Variants in DIS3L2 observed in about 807,000 individuals in gnomAD.
The protein encoded by DIS3L2 is DIS3-like exonuclease 2.
DIS3L2 carries 34 observed loss-of-function variants against 97.5 expected under a neutral mutation model. The observed-to-expected ratio is 0.35, with a 90% CI of 0.27 to 0.46. The LOEUF (loss-of-function observed/expected upper bound fraction) is 0.46, where lower values mean the gene tolerates loss of function less well. Among genes scored for constraint, DIS3L2 ranks in the 20% least tolerant of loss-of-function variants. The probability of loss-of-function intolerance (pLI) is 1.00; values close to 1 mark genes in which losing one functional copy is unlikely to be tolerated. For synonymous variants in DIS3L2, 435 were observed against 445.2 expected (o/e 0.98, Z 0.29); for missense variants, 1,038 against 1,146.0 (o/e 0.91, Z 1.36).
Position 232,329,908 on chromosome 2 carries a change from C to T in DIS3L2, c.1835C>T (p.Pro612Leu), listed in dbSNP as rs771703300. The T allele has an allele frequency of 3.7e-5, 59 of 1,612,824 alleles. No homozygotes were observed. The highest frequency in any genetic ancestry group is 1.6e-4 in the Middle Eastern group (1 of 6,080). Reference protein sequence around the residue: ...PEQALLRRHPPPQTRMLSDLV... With the variant: ...PEQALLRRHPLPQTRMLSDLV... Reference sequence around the variant, plus strand: ...CAGGCCCTGCTGCGCCGGCACCCCCCGCCCCAAACAAGGATGCTCAGTGAC... The same window carrying T: ...CAGGCCCTGCTGCGCCGGCACCCCCTGCCCCAAACAAGGATGCTCAGTGAC... The change falls in exon 15 of 21, where the codon CCG (proline) becomes CTG (leucine). Residue 612 changes from proline to leucine, a missense_variant. Transcript: ENST00000325385.
chr2:232,270,005 G>A (rs1016535155), intron 13 of DIS3L2, among the ~76,000 whole-genome samples: 8 of 152,114 alleles, frequency 5.3e-5, no homozygotes, highest in Non-Finnish European at 1.2e-4. Flanking sequence ...GAAGAAAATC[G>A]ACAAGCCTGT....
chr2:232,157,842 C>T (rs912157303), intron 8 of DIS3L2, among the ~76,000 whole-genome samples: 1 of 152,156 alleles, frequency 6.6e-6, no homozygotes, highest in Non-Finnish European at 1.5e-5. Flanking sequence ...GTGCTTTGTT[C>T]CTATGTCCCT....
In DIS3L2 at chr2:232,334,711, C is replaced by T. The variant is rs199541622; in HGVS notation, c.2370C>T (p.Gly790=). ...TCGACGTGCTGGTGCTGCGCTACGG[C>T]GTGCAGAAGCGCATCTACTGCAACG... The part of the protein sequence containing the change: ...QAFDVLVLRY[G]VQKRIYCNAL... The change falls in exon 19 of 21, where the codon GGC becomes GGT. Residue 790 remains glycine, a synonymous_variant. Coordinates refer to ENST00000325385, the MANE Select transcript of DIS3L2 (RefSeq NM_152383.5). 4.1e-3 allele frequency: 6,655 copies of T among 1,608,166 alleles called. 8 individuals carry two copies. Among genetic ancestry groups the T allele is most frequent in the Non-Finnish European group, 5.1e-3 (6,034 of 1,177,630 alleles).
At chr2:232,209,463 A>G (rs1395666477) in intron 9 of DIS3L2, among the ~76,000 whole-genome samples, 1 of 152,178 alleles carries the variant, frequency 6.6e-6, no homozygotes, top group African/African-American at 2.4e-5. Flanking sequence ...AAAGACAGAG[A>G]AATGGTGGCA....
At chr2:232,006,852 T>A (rs1197668167) in intron 1 of DIS3L2, among the ~76,000 whole-genome samples, 1 of 137,768 alleles carries the variant, frequency 7.3e-6, no homozygotes, top group Admixed American at 6.8e-5. Context: ...GTCAGTGGCA[T>A]CCTGCACAAA....
At chr2:232,095,227 C>A (rs1314334370) in intron 6 of DIS3L2, among the ~76,000 whole-genome samples, 1 of 152,128 alleles carries the variant, frequency 6.6e-6, no homozygotes, top group Non-Finnish European at 1.5e-5. Flanking sequence ...GTGGTCTTCT[C>A]TTCTTTCCAT....
chr2:232,105,497 C>T (rs934144938), intron 6 of DIS3L2, among the ~76,000 whole-genome samples: 1 of 152,060 alleles, frequency 6.6e-6, no homozygotes, highest in Non-Finnish European at 1.5e-5. Context: ...TTTTCCTTTT[C>T]ACTTCTTTCT....
chr2:232,343,454 G>A (rs751199220), exon 14 of DIS3L2: 1 of 1,556,002 alleles, frequency 6.4e-7, no homozygotes, highest in Non-Finnish European at 8.7e-7. Flanking sequence ...GAGACTCGGG[G>A]CATATGTGAC....
At chr2:232,312,741 C>A (rs1055790808) in intron 14 of DIS3L2, among the ~76,000 whole-genome samples, 1 of 152,078 alleles carries the variant, frequency 6.6e-6, no homozygotes, top group Non-Finnish European at 1.5e-5. Flanking sequence ...ATGGTACCTC[C>A]CTCTATTTAG....
At chr2:232,343,518 A>G (rs1696161239) in exon 14 of DIS3L2, 1 of 1,559,024 alleles carries the variant, frequency 6.4e-7, no homozygotes, top group Non-Finnish European at 8.7e-7. Context: ...GTGTATTGGA[A>G]GCAAAGCCCC....
At chr2:232,161,814 C>A (rs1690662216) in intron 8 of DIS3L2, among the ~76,000 whole-genome samples, 1 of 151,712 alleles carries the variant, frequency 6.6e-6, no homozygotes, top group Non-Finnish European at 1.5e-5. Flanking sequence ...CACTCTGTCA[C>A]CAGGTTGGAG....
intron 5 of DIS3L2, among the ~76,000 whole-genome samples, chr2:232,055,736 C>T (rs1574841498): frequency 1.3e-5 from 2 of 152,102 alleles, no homozygotes; most frequent in African/African-American, 4.8e-5. Context: ...CATAAGTGAG[C>T]ACAGTTACAA....
At chr2:232,315,421 G>T (rs1415241894) in intron 14 of DIS3L2, among the ~76,000 whole-genome samples, 1 of 152,202 alleles carries the variant, frequency 6.6e-6, no homozygotes, top group Non-Finnish European at 1.5e-5. Flanking sequence ...CCTGAAGAAA[G>T]GTGCCCATGG....
rs1287984997 is a variant in DIS3L2 at position 232,269,791 on chromosome 2, C to G, written c.1659+6351C>G. ...GGAGCTAGAGGAGACACAGGCTAGG[C>G]CTTGGAGTCTGTAGGAATGAACCAG... On this transcript the variant is annotated intron_variant, in intron 13 of 20. Coordinates refer to ENST00000325385, the MANE Select transcript of DIS3L2 (RefSeq NM_152383.5). The surrounding 1 kb of genome is among the most constrained non-coding windows in gnomAD (Gnocchi z 4.5). Among the ~76,000 whole-genome samples the G allele has an allele frequency of 6.6e-6, 1 of 151,822 alleles. No homozygotes were observed. The highest frequency in any genetic ancestry group is 1.5e-5 in the Non-Finnish European group (1 of 67,986).
At chr2:232,339,831 G>C (rs1005155438), downstream of DIS3L2, 1 of 422,208 alleles carries the variant, frequency 2.4e-6, no homozygotes, top group African/African-American at 2.0e-5. Flanking sequence ...TGGCTGGGGA[G>C]AGGAGGTCTC....
chr2:232,162,945 T>A (rs892897994), intron 8 of DIS3L2, among the ~76,000 whole-genome samples: 1 of 152,238 alleles, frequency 6.6e-6, no homozygotes, highest in Non-Finnish European at 1.5e-5. Context: ...TAATTTTAAT[T>A]TTCTTCTCAG....
At chr2:232,048,579 A>G (rs1335800670) in intron 5 of DIS3L2, among the ~76,000 whole-genome samples, 1 of 152,134 alleles carries the variant, frequency 6.6e-6, no homozygotes, top group African/African-American at 2.4e-5. Flanking sequence ...AAAAATATAA[A>G]AAATTAGCCA....
chr2:232,168,954 G>T (rs1690902823), intron 9 of DIS3L2, among the ~76,000 whole-genome samples: 1 of 152,150 alleles, frequency 6.6e-6, no homozygotes, highest in Non-Finnish European at 1.5e-5. Context: ...CCAACCATGG[G>T]CACTGAGGAT....
intron 1 of DIS3L2, among the ~76,000 whole-genome samples, chr2:231,964,357 C>T (rs1009278907): frequency 7.2e-5 from 11 of 152,090 alleles, no homozygotes; most frequent in Admixed American, 7.2e-4. Context: ...AAGTTTTCTG[C>T]AGAAGGAAAT....
Sources: allele counts gnomAD v4.1 joint callset (sites outside exome capture counted in the v4.1 genomes callset), GRCh38; gene constraint gnomAD v4.1.1; non-coding constraint Gnocchi (gnomAD v3.1); transcripts MANE v1.5; gene names NCBI Gene and HGNC (gene_info 2026-07-23, HGNC 2026-07-21).